The following KCNN3 variants were observed in gnomAD, a reference collection of about 807,000 sequenced individuals.
KCNN3 encodes the protein potassium calcium-activated channel subfamily N member 3.
In KCNN3, 16 loss-of-function variants were observed where a neutral mutation model predicts 62.9. That is an observed-to-expected ratio of 0.25 (90% CI 0.17 to 0.39). KCNN3 has a LOEUF of 0.39. Among genes scored for constraint, KCNN3 ranks in the 10% least tolerant of loss-of-function variants. The pLI is 1.00. For synonymous variants in KCNN3, 370 were observed against 389.2 expected, an observed-to-expected ratio of 0.95 and a Z score of 0.58; for missense variants, 599 against 949.4, an observed-to-expected ratio of 0.63 and a Z score of 4.85.
At position 154,771,239 on chromosome 1, in the gene KCNN3, C is replaced by T. The variant is rs182287660; in HGVS notation, c.1448+736G>A. On this transcript the variant is annotated intron_variant, in intron 3 of 7. Coordinates refer to ENST00000271915, the MANE Select transcript of KCNN3 (RefSeq NM_002249.6). ...TGTTCCAAGGAGTTGGCATTTTGTT[C>T]TACAGCCCTGGATCTCTGTCAGGCC... 8.9e-4 allele frequency among the ~76,000 whole-genome samples: 135 copies of T among 152,198 alleles called. 1 individual carries two copies. The highest frequency in any genetic ancestry group is 1.5e-4 in the Non-Finnish European group (10 of 68,016).
intron 3 of KCNN3, among the ~76,000 whole-genome samples, chr1:154,734,816 G>A (rs528581812): frequency 6.6e-6 from 1 of 152,238 alleles, no homozygotes; most frequent in African/African-American, 2.4e-5. Flanking sequence ...CAGGTAAGCA[G>A]CAGGAGGCAC....
chr1:154,796,331 C>A, intron 2 of KCNN3, among the ~76,000 whole-genome samples: 2 of 152,142 alleles, frequency 1.3e-5, no homozygotes, highest in South Asian at 4.1e-4. Context: ...CCCTGGTCTC[C>A]ATAGCTCTTT....
chr1:154,716,914 G>A (rs1700245186), intron 5 of KCNN3, among the ~76,000 whole-genome samples: 1 of 152,210 alleles, frequency 6.6e-6, no homozygotes, highest in Non-Finnish European at 1.5e-5. Flanking sequence ...TCCTCTTGCA[G>A]GGAGAGGAGG....
At chr1:154,774,278 G>A (rs1186152806) in intron 2 of KCNN3, among the ~76,000 whole-genome samples, 1 of 152,202 alleles carries the variant, frequency 6.6e-6, no homozygotes, top group Non-Finnish European at 1.5e-5. Context: ...AAACTTTCAC[G>A]AAGATGCTTC....
At chr1:154,748,169 C>T (rs569708190) in intron 3 of KCNN3, among the ~76,000 whole-genome samples, 1 of 152,290 alleles carries the variant, frequency 6.6e-6, no homozygotes, top group South Asian at 2.1e-4. Flanking sequence ...TCATCTCACT[C>T]CCTGCTGTGG....
At chr1:154,840,237 T>C (rs539037516) in intron 1 of KCNN3, among the ~76,000 whole-genome samples, 39 of 152,148 alleles carry the variant, frequency 2.6e-4, no homozygotes, top group Non-Finnish European at 4.9e-4. Flanking sequence ...TTGGATAGGA[T>C]TTGGAGACTG....
intron 3 of KCNN3, among the ~76,000 whole-genome samples, chr1:154,760,081 T>C (rs1429708982): frequency 6.6e-6 from 1 of 151,848 alleles, no homozygotes; most frequent in Non-Finnish European, 1.5e-5. Flanking sequence ...GGTGCGATCT[T>C]GGCTCACTGC....
chr1:154,857,195 T>C (rs1039850443), intron 1 of KCNN3, among the ~76,000 whole-genome samples: 1 of 152,196 alleles, frequency 6.6e-6, no homozygotes, highest in African/African-American at 2.4e-5. Flanking sequence ...GAGAAAACAC[T>C]GTTAACCCCA....
chr1:154,716,735 G>T (rs952073824), intron 5 of KCNN3, among the ~76,000 whole-genome samples: 4 of 152,342 alleles, frequency 2.6e-5, no homozygotes, highest in Admixed American at 6.5e-5. Flanking sequence ...TTGCCTGAAA[G>T]GAAGCAGGTT....
At chr1:154,860,038 A>T (rs116349504) in intron 1 of KCNN3, among the ~76,000 whole-genome samples, 3,597 of 152,284 alleles carry the variant, frequency 0.024, 146 homozygotes, top group African/African-American at 0.084. Context: ...TATGGCTTCC[A>T]CAAAGGGCAA....
chr1:154,796,155 C>T (rs573919606), intron 2 of KCNN3, among the ~76,000 whole-genome samples: 1 of 152,250 alleles, frequency 6.6e-6, no homozygotes, highest in East Asian at 1.9e-4. Context: ...ATACTGCAAT[C>T]GAAAGGTAAT....
chr1:154,867,357 C>G (rs1406106812), intron 1 of KCNN3, among the ~76,000 whole-genome samples: 2 of 152,214 alleles, frequency 1.3e-5, no homozygotes, highest in Non-Finnish European at 2.9e-5. Context: ...CGCTGAGACG[C>G]TCATCCTTGA....
At chr1:154,849,229 C>T (rs879410326) in intron 1 of KCNN3, among the ~76,000 whole-genome samples, 1 of 152,206 alleles carries the variant, frequency 6.6e-6, no homozygotes, top group African/African-American at 2.4e-5. Context: ...AATAATAGCC[C>T]TGCATTTTCC....
chr1:154,753,278 T>C (rs557952223), intron 3 of KCNN3, among the ~76,000 whole-genome samples: 17 of 151,754 alleles, frequency 1.1e-4, no homozygotes, highest in Non-Finnish European at 2.4e-4. Context: ...ACCCCACCCC[T>C]CGAAAACAGA....
chr1:154,811,604 G>A (rs1037646209), intron 2 of KCNN3, among the ~76,000 whole-genome samples: 9 of 152,142 alleles, frequency 5.9e-5, no homozygotes, highest in African/African-American at 2.2e-4. Context: ...CTGCTCAATT[G>A]AATTGCATCG....
rs1031090436 is a variant in KCNN3 at position 154,822,262 on chromosome 1, G to C, written c.934-78C>G. ...CACTTTATTCTGCGGCTGTGTAAAA[G>C]AGAAGGGGTGGGGACACAGGAGGGA... On this transcript the variant is annotated intron_variant, in intron 1 of 7. Coordinates refer to ENST00000271915, the MANE Select transcript of KCNN3 (RefSeq NM_002249.6). The C allele has an allele frequency of 1.3e-5, 14 of 1,086,634 alleles. No individual in the cohort carries two copies. In the South Asian group the frequency reaches 1.7e-4, roughly 13 times the overall value. 67.3% of individuals were successfully genotyped at this position (1,086,634 alleles called of 1,614,324 possible). A position where few individuals can be genotyped will look rare whatever the true frequency, so the allele number is the denominator to read the frequency against.
At chr1:154,827,561 G>A (rs748740437) in intron 1 of KCNN3, among the ~76,000 whole-genome samples, 17 of 152,198 alleles carry the variant, frequency 1.1e-4, no homozygotes, top group Non-Finnish European at 2.2e-4. Context: ...CACTTTGGGA[G>A]GCCAAGGCAG....
intron 1 of KCNN3, among the ~76,000 whole-genome samples, chr1:154,852,792 T>A (rs1050197645): frequency 1.3e-5 from 2 of 152,200 alleles, no homozygotes; most frequent in Non-Finnish European, 2.9e-5. Flanking sequence ...TACTCAGGAA[T>A]TTAAAATGAC....
Position 154,708,149 on chromosome 1 carries a change from G to C in KCNN3, c.2023C>G (p.Leu675Val). Reference sequence around the variant, plus strand: ...TGGCGCAGGGTGTCGGCGATGAGCAGCGGCAGGGAGTTGAAGCTGGCGGTG... The same window carrying C: ...TGGCGCAGGGTGTCGGCGATGAGCACCGGCAGGGAGTTGAAGCTGGCGGTG... ...HLTASFNSLP[L>V]LIADTLRQQQ... Residue 675 changes from leucine (L) to valine (V), a missense_variant, in exon 8 of 8, where the codon CTG becomes GTG. Around this residue, in one of 7 missense-constraint regions of KCNN3, gnomAD observed 288 missense variants for 557.4 expected, o/e 0.52. Coordinates refer to ENST00000271915, the MANE Select transcript of KCNN3 (RefSeq NM_002249.6). The C allele has an allele frequency of 6.2e-7, 1 of 1,613,746 alleles. No individual in the cohort carries two copies. The highest frequency in any genetic ancestry group is 1.1e-5 in the South Asian group (1 of 91,064).
Sources: gnomAD v4.1 joint callset for allele counts (sites outside exome capture counted in the v4.1 genomes callset) on GRCh38, gnomAD v4.1.1 for gene constraint, gnomAD v4.1.1 regional missense constraint, MANE v1.5 for transcripts, NCBI Gene and HGNC (gene_info 2026-07-23, HGNC 2026-07-21) for gene names.